Variants in RNFT2 observed in about 807,000 individuals in gnomAD.
The protein encoded by RNFT2 is E3 ubiquitin-protein ligase RNFT2.
In RNFT2, 36 loss-of-function variants were observed where a neutral mutation model predicts 53.0. That is an observed-to-expected ratio of 0.68 (90% confidence interval 0.52 to 0.90). The LOEUF is 0.90. Ranked by LOEUF, RNFT2 falls within the 40% of genes least tolerant of loss-of-function variation. The pLI is 0.00. For synonymous variants in RNFT2, 260 were observed against 253.2 expected (o/e 1.03, Z -0.26); for missense variants, 514 against 585.6 (o/e 0.88, Z 1.26).
chr12:116,746,957 G>C (rs1871925977), intron 3 of RNFT2, among the ~76,000 whole-genome samples: 1 of 152,176 alleles, frequency 6.6e-6, no homozygotes, highest in Non-Finnish European at 1.5e-5. Flanking sequence ...AAAATGGCTA[G>C]GACAGTCAGC....
intron 7 of RNFT2, among the ~76,000 whole-genome samples, chr12:116,805,201 CT>C (rs1306313279): frequency 6.7e-6 from 1 of 150,000 alleles, no homozygotes; most frequent in African/African-American, 2.5e-5. Flanking sequence ...TCGCCCACTG[CT>C]TGGTGGGTTT....
chr12:116,811,738 T>C (rs1875390421), intron 7 of RNFT2, among the ~76,000 whole-genome samples: 1 of 152,202 alleles, frequency 6.6e-6, no homozygotes, highest in African/African-American at 2.4e-5. Flanking sequence ...CTCATGACCC[T>C]CGTGGAAATC....
At chr12:116,793,072 G>A (rs1007416114) in intron 7 of RNFT2, among the ~76,000 whole-genome samples, 1 of 151,960 alleles carries the variant, frequency 6.6e-6, no homozygotes, top group African/African-American at 2.4e-5. Flanking sequence ...CTCATACCTG[G>A]GCCTTCTAGG....
chr12:116,843,512 A>AC (rs1365525531), intron 10 of RNFT2, among the ~76,000 whole-genome samples: 15 of 149,310 alleles, frequency 1.0e-4, no homozygotes, highest in Middle Eastern at 3.5e-3. Flanking sequence ...AAAAAAAAAA[A>AC]AAACCCCAAG....
At chr12:116,759,840 C>T (rs1028394607) in intron 5 of RNFT2, among the ~76,000 whole-genome samples, 3 of 152,152 alleles carry the variant, frequency 2.0e-5, no homozygotes, top group Admixed American at 6.5e-5. Flanking sequence ...TGGTTGGCCT[C>T]CTGCCAGGAG....
chr12:116,754,548 T>C (rs1175862490), intron 5 of RNFT2, among the ~76,000 whole-genome samples: 4 of 152,254 alleles, frequency 2.6e-5, no homozygotes, highest in African/African-American at 9.6e-5. Flanking sequence ...TTTAGTTCTT[T>C]GAAGAATCTC....
intron 10 of RNFT2, among the ~76,000 whole-genome samples, chr12:116,845,258 A>AATATAT (rs1555210658): frequency 8.2e-6 from 1 of 122,548 alleles, no homozygotes; most frequent in African/African-American, 3.3e-5. Context: ...AAAAAAAAAA[A>AATATAT]ATATATATAT....
intron 7 of RNFT2, among the ~76,000 whole-genome samples, chr12:116,786,661 G>GA (rs1022712371): frequency 1.3e-5 from 2 of 152,190 alleles, no homozygotes; most frequent in Non-Finnish European, 2.9e-5. Flanking sequence ...CTTTCTGGAT[G>GA]AAAAACTATT....
At chr12:116,813,314 C>T (rs2137169072) in intron 7 of RNFT2, among the ~76,000 whole-genome samples, 1 of 152,314 alleles carries the variant, frequency 6.6e-6, no homozygotes, top group South Asian at 2.1e-4. Flanking sequence ...CCCGACACCT[C>T]AGCCATCGCT....
At chr12:116,782,094 A>AAAAAAAAAAAAAAAAAAAAAAAG (rs56234630) in intron 7 of RNFT2, 16 of 149,102 alleles carry the variant, frequency 1.1e-4, no homozygotes, top group South Asian at 2.1e-4. Context: ...AAAAAAAAAA[A>AAAAAAAAAAAAAAAAAAAAAAAG]TGTGGACATC....
intron 7 of RNFT2, among the ~76,000 whole-genome samples, chr12:116,780,747 C>G (rs775551131): frequency 5.3e-5 from 8 of 152,086 alleles, no homozygotes; most frequent in Non-Finnish European, 1.0e-4. Context: ...AAGATGCCTC[C>G]CATTGACCCT....
intron 7 of RNFT2, among the ~76,000 whole-genome samples, chr12:116,827,523 G>A (rs1273538049): frequency 1.3e-5 from 2 of 152,220 alleles, no homozygotes; most frequent in Non-Finnish European, 2.9e-5. Flanking sequence ...GACTTATCTA[G>A]ATTCTGATAG....
chr12:116,771,490 A>ATT lies in RNFT2; in HGVS notation c.728+4576_728+4577insTT, dbSNP rs1308384275. Among the ~76,000 whole-genome samples the ATT allele has an allele frequency of 1.7e-4, 18 of 107,582 alleles. 2 individuals carry two copies. The highest frequency in any genetic ancestry group is 6.4e-4 in the African/African-American group (18 of 28,246). The allele number at this position is 107,582 out of a possible 152,430, so 70.6% of individuals were successfully genotyped here. A position where few individuals can be genotyped will look rare whatever the true frequency, so the allele number is the denominator to read the frequency against. On this transcript the variant is annotated intron_variant, in intron 6 of 10. Transcript: ENST00000257575. ...AAAAAAAAAAAAAAAAAAAAAAAAA[A>ATT]AAAAATACGTATATGAGCAATTTTA... is the stretch of plus-strand genomic sequence containing the variant.
At chr12:116,811,765 G>C (rs1875391848) in intron 7 of RNFT2, among the ~76,000 whole-genome samples, 1 of 152,176 alleles carries the variant, frequency 6.6e-6, no homozygotes, top group Non-Finnish European at 1.5e-5. Context: ...CTGTTGCAGG[G>C]GGCTTGGCAG....
chr12:116,763,845 C>G (rs1488833317), intron 5 of RNFT2, among the ~76,000 whole-genome samples: 3 of 151,818 alleles, frequency 2.0e-5, no homozygotes, highest in African/African-American at 7.3e-5. Flanking sequence ...AGCAATCCTA[C>G]TACTAGGCAT....
chr12:116,808,828 C>T (rs765122346), intron 7 of RNFT2, among the ~76,000 whole-genome samples: 3 of 152,154 alleles, frequency 2.0e-5, no homozygotes, highest in Admixed American at 6.5e-5. Flanking sequence ...ATTCTTGCTC[C>T]CCGTCCTGTG....
intron 7 of RNFT2, among the ~76,000 whole-genome samples, chr12:116,816,366 C>A (rs74881721): frequency 0.039 from 5,939 of 152,194 alleles, 256 homozygotes; most frequent in East Asian, 0.14. Context: ...TACTCACAGC[C>A]CAGCAACTCT....
chr12:116,851,979 T>C lies in RNFT2; in HGVS notation c.*2531T>C, dbSNP rs1249746173. The C allele has an allele frequency of 2.7e-6, 4 of 1,496,428 alleles. No homozygotes were observed. Among genetic ancestry groups the C allele is most frequent in the Non-Finnish European group, 3.5e-6 (4 of 1,129,748 alleles). The allele number at this position is 1,496,428 out of a possible 1,614,324, so 92.7% of individuals were successfully genotyped here. On this transcript the variant is annotated 3_prime_UTR_variant, in exon 11 of 11. Transcript: ENST00000257575. The stretch of plus-strand genomic sequence containing the variant: ...CAAACAGGACAACCTATGTTATGGA[T>C]GTTTCCACCAACCAGGGTAGTGGCA...
At chr12:116,750,398 A>G (rs1050866634) in intron 4 of RNFT2, 91 bp downstream of exon 4, 27 of 1,257,994 alleles carry the variant, frequency 2.1e-5, no homozygotes, top group Non-Finnish European at 6.6e-6. Flanking sequence ...TCTGAAGCCC[A>G]GGGAGAGGCA....
Sources: allele counts gnomAD v4.1 joint callset (sites outside exome capture counted in the v4.1 genomes callset), GRCh38; gene constraint gnomAD v4.1.1; transcripts MANE v1.5; gene names NCBI Gene and HGNC (gene_info 2026-07-23, HGNC 2026-07-21).